The following OPCML variants were observed in gnomAD, a reference collection of about 807,000 sequenced individuals.
OPCML encodes opioid-binding protein/cell adhesion molecule.
In OPCML, 13 loss-of-function variants were observed where a neutral mutation model predicts 37.8. The ratio of observed to expected loss-of-function variants is 0.34; its 90% confidence interval spans 0.22 to 0.55. The LOEUF (loss-of-function observed/expected upper bound fraction) is 0.55, where lower values mean the gene tolerates loss of function less well. Among genes scored for constraint, OPCML ranks in the 20% least tolerant of loss-of-function variants. The pLI, the probability that OPCML is intolerant of heterozygous loss-of-function variation, is 0.91. For synonymous variants in OPCML, 176 were observed against 168.8 expected (o/e 1.04, Z -0.33); for missense variants, 341 against 435.6 (o/e 0.78, Z 1.93).
At chr11:132,743,556 T>C (rs1421813043) in intron 2 of OPCML, among the ~76,000 whole-genome samples, 1 of 152,196 alleles carries the variant, frequency 6.6e-6, no homozygotes, top group Non-Finnish European at 1.5e-5. Flanking sequence ...TAAAATACTT[T>C]TCAAAAAGAA....
At chr11:132,962,393 G>A (rs144027636) in intron 1 of OPCML, among the ~76,000 whole-genome samples, 1 of 152,290 alleles carries the variant, frequency 6.6e-6, no homozygotes, top group East Asian at 1.9e-4. Flanking sequence ...ACTCACATTC[G>A]TTTGCAATTA....
chr11:132,454,607 C>T (rs999877633), intron 4 of OPCML, among the ~76,000 whole-genome samples: 1 of 152,214 alleles, frequency 6.6e-6, no homozygotes, highest in Non-Finnish European at 1.5e-5. Context: ...GAAGCCAGCA[C>T]CCAGGGCCTT....
rs1407397362 is a variant in OPCML at position 133,458,201 on chromosome 11, C to A, written c.61+74063G>T. On this transcript the variant is annotated intron_variant, in intron 1 of 7. Transcript: ENST00000524381. The stretch of plus-strand genomic sequence containing the variant: ...ATGTGTATATATACACATATATACA[C>A]GTGTGTGTATATATACACATATATA... Among the ~76,000 whole-genome samples the A allele has an allele frequency of 2.3e-5, 3 of 129,254 alleles. 1 individual carries two copies. Among genetic ancestry groups the A allele is most frequent in the African/African-American group, 1.2e-4 (3 of 24,468 alleles). 84.8% of individuals were successfully genotyped at this position (129,254 alleles called of 152,430 possible).
At chr11:132,777,813 C>T (rs1282351325) in intron 2 of OPCML, among the ~76,000 whole-genome samples, 9 of 152,104 alleles carry the variant, frequency 5.9e-5, no homozygotes, top group Non-Finnish European at 1.2e-4. Context: ...CACACCTGTA[C>T]CTTCAGGCTC....
At chr11:132,794,016 C>T (rs1938130183) in intron 2 of OPCML, among the ~76,000 whole-genome samples, 2 of 152,248 alleles carry the variant, frequency 1.3e-5, no homozygotes, top group Non-Finnish European at 2.9e-5. Context: ...AGTTTCCACT[C>T]ATGCCTCATC....
intron 3 of OPCML, among the ~76,000 whole-genome samples, chr11:132,642,294 TTGTG>T (rs1267408456): frequency 2.0e-5 from 3 of 152,132 alleles, no homozygotes; most frequent in Admixed American, 6.6e-5. Context: ...ATGAGTACAA[TTGTG>T]TGTGTGTGTT....
At chr11:132,481,936 T>C (rs1210848066) in intron 4 of OPCML, among the ~76,000 whole-genome samples, 2 of 147,086 alleles carry the variant, frequency 1.4e-5, no homozygotes, top group African/African-American at 5.1e-5. Context: ...AGAGGGAAAT[T>C]TATAGCACTA....
chr11:133,300,492 G>T (rs909222638), intron 1 of OPCML: 2 of 152,126 alleles, frequency 1.3e-5, no homozygotes, highest in Admixed American at 1.3e-4. Flanking sequence ...GTGCCTCAAG[G>T]TCAAGTGATT....
intron 1 of OPCML, among the ~76,000 whole-genome samples, chr11:133,410,014 A>G (rs1945610201): frequency 6.6e-6 from 1 of 152,108 alleles, no homozygotes; most frequent in African/African-American, 2.4e-5. Flanking sequence ...GAAGGCAGTC[A>G]GGAAGAAGCT....
At chr11:132,855,269 C>T (rs1043675475) in intron 2 of OPCML, among the ~76,000 whole-genome samples, 21 of 152,134 alleles carry the variant, frequency 1.4e-4, no homozygotes, top group African/African-American at 4.3e-4. Context: ...GGACTCAATG[C>T]GCAAGGGCCA....
rs1003537127 is a variant in OPCML, at chr11:132,468,412, A to T, written c.506-31053T>A. ...TTTGCATAAAATGTTAGTTGTTTTC[A>T]TTTTTCATAGAGTTGTATGGATTGT... On this transcript the variant is annotated intron_variant, in intron 4 of 7. Coordinates refer to ENST00000524381, the MANE Select transcript of OPCML (RefSeq NM_001012393.5). 3.3e-5 allele frequency among the ~76,000 whole-genome samples: 5 copies of T among 152,176 alleles called. 1 individual carries two copies. The highest frequency in any genetic ancestry group is 3.4e-3 in the Middle Eastern group (1 of 294).
intron 4 of OPCML, among the ~76,000 whole-genome samples, chr11:132,487,829 T>C (rs915454782): frequency 1.3e-5 from 2 of 152,246 alleles, no homozygotes; most frequent in Non-Finnish European, 2.9e-5. Flanking sequence ...CTTATCTTAC[T>C]CAATCATAGT....
chr11:133,493,683 T>TA (rs1947716648), intron 1 of OPCML, among the ~76,000 whole-genome samples: 1 of 152,212 alleles, frequency 6.6e-6, no homozygotes, highest in Non-Finnish European at 1.5e-5. Context: ...CTACATAAGA[T>TA]AAAATCATAA....
rs566256177 is a variant in OPCML at position 133,344,116 on chromosome 11, C to T, written c.61+188148G>A. On this transcript the variant is annotated intron_variant, in intron 1 of 7. Coordinates refer to ENST00000524381, the MANE Select transcript of OPCML (RefSeq NM_001012393.5). Reference sequence around the variant, plus strand: ...GTGTAGGGTGAGTGCCCTCTCCATTCGTCATAATCCATCGGGCAATCAGCG... The same window carrying T: ...GTGTAGGGTGAGTGCCCTCTCCATTTGTCATAATCCATCGGGCAATCAGCG... Among the ~76,000 whole-genome samples, 11 of 152,298 alleles carry T rather than the reference C, an allele frequency of 7.2e-5. No homozygotes were observed. The South Asian group carries it at 2.1e-3, about 29-fold the overall frequency.
chr11:133,069,975 A>G (rs1328215024), intron 1 of OPCML, among the ~76,000 whole-genome samples: 1 of 152,172 alleles, frequency 6.6e-6, no homozygotes, highest in Non-Finnish European at 1.5e-5. Flanking sequence ...GCTCCCTGCT[A>G]AATTCCACTT....
At chr11:132,460,321 C>A (rs1452305783) in intron 4 of OPCML, among the ~76,000 whole-genome samples, 1 of 152,020 alleles carries the variant, frequency 6.6e-6, no homozygotes, top group East Asian at 1.9e-4. Flanking sequence ...CCATGTGAAA[C>A]CTCCATTGCT....
In OPCML at chr11:133,179,600, AAG is replaced by A. The variant is rs530902719; in HGVS notation, c.62-236592_62-236591del. On this transcript the variant is annotated intron_variant, in intron 1 of 7. Coordinates refer to ENST00000524381, the MANE Select transcript of OPCML (RefSeq NM_001012393.5). ...CTAAATACAGGATACTGAGAGGTCAAAGGAGAGCACGACCCATTCTGAAGAAG... is the reference window on the plus strand; with the variant it reads ...CTAAATACAGGATACTGAGAGGTCAAGAGAGCACGACCCATTCTGAAGAAG... 4.6e-5 allele frequency among the ~76,000 whole-genome samples: 7 copies of A among 152,288 alleles called. No individual in the cohort carries two copies. In the South Asian group the frequency reaches 1.2e-3, roughly 27 times the overall value.
chr11:133,306,524 C>T (rs966605445), intron 1 of OPCML, among the ~76,000 whole-genome samples: 3 of 152,082 alleles, frequency 2.0e-5, no homozygotes, highest in Non-Finnish European at 4.4e-5. Context: ...ACATATGGGG[C>T]AACTTAGCAG....
At chr11:133,398,627 A>G (rs1945337315) in intron 1 of OPCML, among the ~76,000 whole-genome samples, 1 of 152,212 alleles carries the variant, frequency 6.6e-6, no homozygotes, top group South Asian at 2.1e-4. Flanking sequence ...AAAAATCTAA[A>G]GAGATGCAAA....
Sources: allele counts gnomAD v4.1 joint callset (sites outside exome capture counted in the v4.1 genomes callset), GRCh38; gene constraint gnomAD v4.1.1; transcripts MANE v1.5; gene names NCBI Gene and HGNC (gene_info 2026-07-23, HGNC 2026-07-21).